Variants in FBXL4 observed in about 807,000 individuals in gnomAD.
FBXL4 encodes F-box and leucine rich repeat protein 4.
In FBXL4, 40 loss-of-function variants were observed where a neutral mutation model predicts 58.9. The ratio of observed to expected loss-of-function variants is 0.68; its 90% CI spans 0.53 to 0.88. The LOEUF (loss-of-function observed/expected upper bound fraction) is 0.88. Ranked by LOEUF, FBXL4 falls within the 40% of genes least tolerant of loss-of-function variation. The pLI is 0.00. For missense variants in FBXL4, 676 were observed against 734.4 expected (o/e 0.92, Z 0.92); for synonymous variants, 263 against 265.5 (o/e 0.99, Z 0.09).
rs1770541386 is a variant in FBXL4, at chr6:98,873,245, GT to G, written c.*1032del. On this transcript the variant is annotated 3_prime_UTR_variant, in exon 10 of 10. Coordinates refer to ENST00000369244, the MANE Select transcript of FBXL4 (RefSeq NM_001278716.2). ...ATATATATGTATATAATATATACAT[GT>G]ACATTACATATAATATAAATGTAAT... The G allele has an allele frequency of 6.9e-6, 1 of 145,708 alleles. No homozygotes were observed. The highest frequency in any genetic ancestry group is 2.5e-5 in the African/African-American group (1 of 39,888). The allele number at this position is 145,708 out of a possible 1,614,324, so 9.0% of individuals were successfully genotyped here. A position where few individuals can be genotyped will look rare whatever the true frequency, so the allele number is the denominator to read the frequency against.
rs367844874 is a variant in FBXL4 at position 98,872,886 on chromosome 6, G to A, written c.*1392C>T. 1 of 152,148 alleles carries A rather than the reference G, an allele frequency of 6.6e-6. No homozygotes were observed. Among genetic ancestry groups the A allele is most frequent in the Non-Finnish European group, 1.5e-5 (1 of 68,052 alleles). 9.4% of individuals were successfully genotyped at this position (152,148 alleles called of 1,614,324 possible). On this transcript the variant is annotated 3_prime_UTR_variant, in exon 10 of 10. Transcript: ENST00000369244. ...TTTCCTCATCTGTAAATGGGGGTAA[G>A]TAATGGCATTTATCTTACAGGGTTG...
intron 4 of FBXL4, among the ~76,000 whole-genome samples, chr6:98,920,444 G>A (rs1371786628): frequency 6.6e-6 from 1 of 151,674 alleles, no homozygotes; most frequent in Non-Finnish European, 1.5e-5. Context: ...TCTGTTTTTA[G>A]AAAGATTTAA....
intron 7 of FBXL4, among the ~76,000 whole-genome samples, chr6:98,882,907 C>T (rs1488015051): frequency 6.6e-6 from 1 of 151,902 alleles, no homozygotes; most frequent in East Asian, 1.9e-4. Context: ...ATAAACATTC[C>T]TTTATGTGCT....
Position 98,905,527 on chromosome 6 carries a change from G to A in FBXL4, c.1002C>T (p.Asp334=). ...NLQPYWAKLD[D]TSLEFLQSRC... is the part of the protein sequence containing the mutation. ...GAGACTGTAGAAATTCCAGAGAAGTGTCATCTAGTTTTGCCCAGTATGGTT... is the reference window on the plus strand; with the variant it reads ...GAGACTGTAGAAATTCCAGAGAAGTATCATCTAGTTTTGCCCAGTATGGTT... The change falls in exon 6 of 10, where the codon GAC becomes GAT. Residue 334 remains aspartate, a synonymous_variant. Transcript: ENST00000369244. 2 of 1,614,028 alleles carry A rather than the reference G, an allele frequency of 1.2e-6. No homozygotes were observed. The highest frequency in any genetic ancestry group is 8.5e-7 in the Non-Finnish European group (1 of 1,179,972).
chr6:98,910,062 C>T (rs1254535261), intron 5 of FBXL4, among the ~76,000 whole-genome samples: 2 of 152,174 alleles, frequency 1.3e-5, no homozygotes, highest in Admixed American at 1.3e-4. Context: ...AAATACACAT[C>T]AATTTGGAAA....
chr6:98,907,825 C>T (rs942459240), intron 5 of FBXL4, among the ~76,000 whole-genome samples: 2 of 152,104 alleles, frequency 1.3e-5, no homozygotes, highest in Admixed American at 6.5e-5. Context: ...TCACAAAACG[C>T]AGAGTAACAA....
At chr6:98,918,569 T>C (rs985232290) in intron 4 of FBXL4, among the ~76,000 whole-genome samples, 1 of 152,202 alleles carries the variant, frequency 6.6e-6, no homozygotes, top group Non-Finnish European at 1.5e-5. Context: ...AGATTCTTCA[T>C]AATAATAGCA....
Position 98,917,722 on chromosome 6 carries a change from G to T in FBXL4, c.513-3C>A. 8 of 1,576,580 alleles carry T rather than the reference G, an allele frequency of 5.1e-6. No homozygotes were observed. The highest frequency in any genetic ancestry group is 6.9e-6 in the Non-Finnish European group (8 of 1,165,298). On this transcript the variant is annotated splice_region_variant and splice_polypyrimidine_tract_variant and intron_variant, in intron 4 of 9. Transcript: ENST00000369244. ...TCTCTGACCAAAGAATCTCCCATCT[G>T]CCAAAAAAAGAAACTTCCCTATAAT... is the stretch of plus-strand genomic sequence containing the variant.
chr6:98,901,830 A>G (rs1192510631), intron 6 of FBXL4, among the ~76,000 whole-genome samples: 1 of 152,156 alleles, frequency 6.6e-6, no homozygotes, highest in African/African-American at 2.4e-5. Flanking sequence ...GCCACTGATC[A>G]TTTGAAAGGA....
At chr6:98,896,658 T>C in intron 7 of FBXL4, 3 of 533,696 alleles carry the variant, frequency 5.6e-6, no homozygotes, top group Non-Finnish European at 7.2e-6. Context: ...ACATATTCAA[T>C]GTCAGAAAAA....
rs183905735 is a variant in FBXL4, at chr6:98,911,483, C to T, written c.859-5813G>A. ...GGCCGGGTACTCCTCTGAGACAAAA[C>T]TTCCAGAGAAATGATCAGACAGCAG... On this transcript the variant is annotated intron_variant, in intron 5 of 9. Coordinates refer to ENST00000369244, the MANE Select transcript of FBXL4 (RefSeq NM_001278716.2). Among the ~76,000 whole-genome samples, 472 of 152,330 alleles carry T rather than the reference C, an allele frequency of 3.1e-3. 1 individual carries two copies. The highest frequency in any genetic ancestry group is 4.9e-3 in the Non-Finnish European group (332 of 68,034).
intron 1 of FBXL4, among the ~76,000 whole-genome samples, chr6:98,936,869 A>C (rs1447242070): frequency 6.6e-6 from 1 of 152,130 alleles, no homozygotes; most frequent in Non-Finnish European, 1.5e-5. Context: ...TGTCTAGCTT[A>C]TTTTGTTCAG....
intron 1 of FBXL4, among the ~76,000 whole-genome samples, chr6:98,939,868 T>A (rs992863874): frequency 2.0e-5 from 3 of 152,258 alleles, no homozygotes; most frequent in Non-Finnish European, 4.4e-5. Flanking sequence ...AAACTGCTCA[T>A]GTGTCGATGA....
At position 98,875,736 on chromosome 6, in the gene FBXL4, C is replaced by T. The variant is rs944078534; in HGVS notation, c.1390-9G>A. 12 of 1,611,824 alleles carry T rather than the reference C, an allele frequency of 7.4e-6. No homozygotes were observed. Among genetic ancestry groups the T allele is most frequent in the Non-Finnish European group, 9.3e-6 (11 of 1,178,946 alleles). ...ACATCATAGTCTTCAATCTGGAAAT[C>T]AAATAATTCCAATCTTTTACATGTT... On this transcript the variant is annotated splice_polypyrimidine_tract_variant and intron_variant, in intron 8 of 9. Transcript: ENST00000369244.
At chr6:98,923,321 G>C (rs982300973) in intron 4 of FBXL4, among the ~76,000 whole-genome samples, 8 of 152,072 alleles carry the variant, frequency 5.3e-5, no homozygotes, top group African/African-American at 1.7e-4. Flanking sequence ...AATTGCACAG[G>C]AATAGTCACC....
Position 98,917,499 on chromosome 6 carries a change from C to T in FBXL4, c.733G>A (p.Asp245Asn). Residue 245 changes from aspartate to asparagine, a missense_variant, in exon 5 of 10, where the codon GAT becomes AAT. Physicochemically the swap from Asp to Asn is conservative, Grantham distance 23. Coordinates refer to ENST00000369244, the MANE Select transcript of FBXL4 (RefSeq NM_001278716.2). The stretch of plus-strand genomic sequence containing the variant: ...TCTGCATAGGCATCATCTTCTATAT[C>T]ATTCATGTCAATAAGTGAAGTCTTG... The part of the protein sequence containing the change: ...SLKTSLIDMN[D>N]IEDDAYAEKD... 1 of 1,614,060 alleles carries T rather than the reference C, an allele frequency of 6.2e-7. No individual in the cohort carries two copies. The highest frequency in any genetic ancestry group is 8.5e-7 in the Non-Finnish European group (1 of 1,179,952).
In FBXL4 at chr6:98,875,727, T is replaced by C. The variant is rs116538686; in HGVS notation, c.1390A>G (p.Ile464Val). ...QHLSLGSCVM[I>V]EDYDVIASMI... is the part of the protein sequence containing the mutation. ...CTAGCTATCACATCATAGTCTTCAATCTGGAAATCAAATAATTCCAATCTT... is the reference window on the plus strand; with the variant it reads ...CTAGCTATCACATCATAGTCTTCAACCTGGAAATCAAATAATTCCAATCTT... Residue 464 changes from isoleucine (I) to valine (V), a missense_variant and splice_region_variant, in exon 9 of 10, where the codon ATT becomes GTT. Ile to Val is a conservative substitution (Grantham distance 29). Coordinates refer to ENST00000369244, the MANE Select transcript of FBXL4 (RefSeq NM_001278716.2). The C allele has an allele frequency of 1.2e-5, 19 of 1,612,942 alleles. No individual in the cohort carries two copies. In the East Asian group the frequency reaches 4.0e-4, roughly 34 times the overall value.
intron 7 of FBXL4, among the ~76,000 whole-genome samples, chr6:98,890,610 G>C (rs1771190675): frequency 6.6e-6 from 1 of 152,114 alleles, no homozygotes. Context: ...TAAACTTGGT[G>C]AAGAAGAATA....
chr6:98,917,714 TCCCATCTGCC>T lies in FBXL4; in HGVS notation c.513-5_517del. On this transcript the variant is annotated splice_acceptor_variant and splice_polypyrimidine_tract_variant and coding_sequence_variant and intron_variant, in exon 5 of 10. Coordinates refer to ENST00000369244, the MANE Select transcript of FBXL4 (RefSeq NM_001278716.2). LOFTEE classifies it high-confidence loss of function. ...CGTAGGTCTCTCTGACCAAAGAATC[TCCCATCTGCC>T]AAAAAAAGAAACTTCCCTATAATAC... is the stretch of plus-strand genomic sequence containing the variant. The T allele has an allele frequency of 6.3e-7, 1 of 1,587,916 alleles. No individual in the cohort carries two copies. Among genetic ancestry groups the T allele is most frequent in the Non-Finnish European group, 8.5e-7 (1 of 1,170,202 alleles).
Sources: gnomAD v4.1 joint callset for allele counts (sites outside exome capture counted in the v4.1 genomes callset) on GRCh38, gnomAD v4.1.1 for gene constraint, MANE v1.5 for transcripts, NCBI Gene and HGNC (gene_info 2026-07-23, HGNC 2026-07-21) for gene names.